SPTSSA: variants seen among roughly 807,000 people sequenced by gnomAD.
The protein encoded by SPTSSA is small subunit of serine palmitoyltransferase A.
Under a neutral mutation model 9.1 loss-of-function variants are expected in SPTSSA, and 8 were observed. The observed-to-expected ratio is 0.88, with a 90% CI of 0.51 to 1.58. The LOEUF is 1.58. SPTSSA is among the 40% of genes most tolerant of loss of function. SPTSSA has a pLI of 0.00. For missense variants in SPTSSA, 100 were observed against 93.8 expected, an observed-to-expected ratio of 1.07 and a Z score of -0.27; for synonymous variants, 42 against 37.7, an observed-to-expected ratio of 1.11 and a Z score of -0.41.
Position 34,435,433 on chromosome 14 carries a change from T to TAA in SPTSSA, c.113-131_113-130dup, listed in dbSNP as rs149717054. ...CTTTCTCATTTATATCAAGCACTGA[T>TAA]AAAAAAAACAACAAGAATGATAATA... is the stretch of plus-strand genomic sequence containing the variant. On this transcript the variant is annotated intron_variant, in intron 1 of 1. Transcript: ENST00000298130. 746 of 562,828 alleles carry TAA rather than the reference T, an allele frequency of 1.3e-3. 7 individuals carry two copies. The highest frequency in any genetic ancestry group is 0.013 in the African/African-American group (682 of 52,122). The allele number at this position is 562,828 out of a possible 1,614,324, so 34.9% of individuals were successfully genotyped here.
intron 1 of SPTSSA, among the ~76,000 whole-genome samples, chr14:34,440,287 C>T (rs1236678687): frequency 1.3e-5 from 2 of 152,128 alleles, no homozygotes; most frequent in Non-Finnish European, 1.5e-5. Context: ...TTGATAATGA[C>T]TACAGAAAAG....
At chr14:34,455,484 C>T (rs577840268) in intron 1 of SPTSSA, among the ~76,000 whole-genome samples, 2 of 152,072 alleles carry the variant, frequency 1.3e-5, no homozygotes, top group South Asian at 4.2e-4. Flanking sequence ...CCAGGGTGGC[C>T]GAGGCAGGGG....
rs1422741311 is a variant in SPTSSA at position 34,440,955 on chromosome 14, AAAT to A, written c.113-5654_113-5652del. 7.6e-4 allele frequency among the ~76,000 whole-genome samples: 116 copies of A among 152,272 alleles called. 1 individual carries two copies. The highest frequency in any genetic ancestry group is 2.8e-3 in the African/African-American group (115 of 41,570). On this transcript the variant is annotated intron_variant, in intron 1 of 1. Coordinates refer to ENST00000298130, the MANE Select transcript of SPTSSA (RefSeq NM_138288.4). The stretch of plus-strand genomic sequence containing the variant: ...GTGAACATTAAATTGTTAAGCTTTT[AAAT>A]TTTTTACATGCCTATAAAAGCATGA...
chr14:34,456,735 TA>T (rs1159805483), intron 1 of SPTSSA, among the ~76,000 whole-genome samples: 1 of 151,334 alleles, frequency 6.6e-6, no homozygotes, highest in Non-Finnish European at 1.5e-5. Context: ...TTGTCTCTAC[TA>T]AAAAATATAA....
intron 1 of SPTSSA, among the ~76,000 whole-genome samples, chr14:34,454,116 G>C (rs1163097854): frequency 6.6e-6 from 1 of 152,112 alleles, no homozygotes; most frequent in Non-Finnish European, 1.5e-5. Flanking sequence ...GGAGTTCAAG[G>C]GTACAGTGAA....
chr14:34,449,473 T>C (rs1025478002), intron 1 of SPTSSA, among the ~76,000 whole-genome samples: 4 of 151,252 alleles, frequency 2.6e-5, no homozygotes, highest in Non-Finnish European at 5.9e-5. Flanking sequence ...GTGCTGGGAT[T>C]ACAGGCGTGA....
chr14:34,446,256 T>C (rs1356564674), intron 1 of SPTSSA, among the ~76,000 whole-genome samples: 1 of 152,202 alleles, frequency 6.6e-6, no homozygotes, highest in Admixed American at 6.5e-5. Context: ...ACTGCATCCA[T>C]TGGAACCTTT....
chr14:34,454,968 T>C (rs1883589196), intron 1 of SPTSSA, among the ~76,000 whole-genome samples: 1 of 151,902 alleles, frequency 6.6e-6, no homozygotes, highest in South Asian at 2.1e-4. Flanking sequence ...GCACCTGTAA[T>C]CCCAGCTACT....
intron 1 of SPTSSA, among the ~76,000 whole-genome samples, chr14:34,456,458 A>G (rs1326847659): frequency 1.3e-5 from 2 of 152,228 alleles, no homozygotes; most frequent in East Asian, 1.9e-4. Flanking sequence ...ACTGTCTTTC[A>G]GGGTGAATCT....
chr14:34,455,568 T>A (rs1440479734), intron 1 of SPTSSA, among the ~76,000 whole-genome samples: 2 of 152,108 alleles, frequency 1.3e-5, no homozygotes, highest in Non-Finnish European at 2.9e-5. Context: ...TATAATCTAT[T>A]TTATTTACAA....
intron 1 of SPTSSA, among the ~76,000 whole-genome samples, chr14:34,453,266 T>C (rs1883559369): frequency 6.6e-6 from 1 of 152,328 alleles, no homozygotes; most frequent in East Asian, 1.9e-4. Context: ...TGTATCACCT[T>C]CTGCAGGAAA....
At chr14:34,449,500 TCCC>T (rs1186025647) in intron 1 of SPTSSA, among the ~76,000 whole-genome samples, 10 of 133,642 alleles carry the variant, frequency 7.5e-5, no homozygotes, top group Non-Finnish European at 1.1e-4. Context: ...GCACCCGGCC[TCCC>T]TTTTTTTTTT....
intron 1 of SPTSSA, among the ~76,000 whole-genome samples, chr14:34,456,956 TTATTATTATTATTATTAC>T (rs1878495330): frequency 6.8e-6 from 1 of 147,912 alleles, no homozygotes; most frequent in Non-Finnish European, 1.5e-5. Flanking sequence ...CAAATTATTA[TTATTATTATTATTATTAC>T]TATTATTATT....
At chr14:34,441,168 C>T (rs192120934) in intron 1 of SPTSSA, among the ~76,000 whole-genome samples, 244 of 152,274 alleles carry the variant, frequency 1.6e-3, no homozygotes, top group Admixed American at 1.8e-3. Flanking sequence ...AATCCCAACA[C>T]TTTGGGAACT....
At chr14:34,438,755 C>T (rs1469788113) in intron 1 of SPTSSA, among the ~76,000 whole-genome samples, 5 of 152,132 alleles carry the variant, frequency 3.3e-5, no homozygotes, top group Non-Finnish European at 5.9e-5. Flanking sequence ...ATCTCACCTC[C>T]CCAACCTTAA....
At chr14:34,440,609 C>T (rs762022434) in intron 1 of SPTSSA, among the ~76,000 whole-genome samples, 5 of 152,066 alleles carry the variant, frequency 3.3e-5, no homozygotes, top group Non-Finnish European at 5.9e-5. Flanking sequence ...TGGCTGGGCG[C>T]GGTGGCTTAC....
chr14:34,440,600 G>C (rs1883300518), intron 1 of SPTSSA, among the ~76,000 whole-genome samples: 1 of 152,138 alleles, frequency 6.6e-6, no homozygotes, highest in Non-Finnish European at 1.5e-5. Context: ...TCTGAAACTT[G>C]GCTGGGCGCG....
rs545565427 is a variant in SPTSSA at position 34,443,661 on chromosome 14, A to G, written c.113-8357T>C. The stretch of plus-strand genomic sequence containing the variant: ...AGCGATTCTCCTGCTTCAGCCCCCC[A>G]AGTAGCTGGGATTACAGGTGCCCGC... On this transcript the variant is annotated intron_variant, in intron 1 of 1. Coordinates refer to ENST00000298130, the MANE Select transcript of SPTSSA (RefSeq NM_138288.4). 8.6e-5 allele frequency among the ~76,000 whole-genome samples: 13 copies of G among 152,000 alleles called. No individual in the cohort carries two copies. In the East Asian group the frequency reaches 2.1e-3, roughly 25 times the overall value.
At position 34,435,296 on chromosome 14, in the gene SPTSSA, G is replaced by C; in HGVS notation, c.121C>G (p.Leu41Val). 1 of 1,609,824 alleles carries C rather than the reference G, an allele frequency of 6.2e-7. No individual in the cohort carries two copies. The highest frequency in any genetic ancestry group is 8.5e-7 in the Non-Finnish European group (1 of 1,177,392). ...AGTGCCATCCCCACAATGGAAACCA[G>C]CATGGAATCTGAGTTGTAGTTAAGG... ...PWERTVFNSM[L>V]VSIVGMALYT... Residue 41 changes from leucine to valine, a missense_variant, in exon 2 of 2, where the codon CTG becomes GTG. Transcript: ENST00000298130.
Sources: allele counts gnomAD v4.1 joint callset (sites outside exome capture counted in the v4.1 genomes callset), GRCh38; gene constraint gnomAD v4.1.1; transcripts MANE v1.5; gene names NCBI Gene and HGNC (gene_info 2026-07-23, HGNC 2026-07-21).